GPR176: variants seen among roughly 807,000 people sequenced by gnomAD.
GPR176 encodes the protein G-protein coupled receptor 176.
Under a neutral mutation model 35.4 loss-of-function variants are expected in GPR176, and 26 were observed. The ratio of observed to expected loss-of-function variants is 0.74; its 90% confidence interval spans 0.54 to 1.02. The LOEUF (loss-of-function observed/expected upper bound fraction) is 1.02. GPR176 is among the 50% of genes least tolerant of loss of function. The pLI is 0.00. For missense variants in GPR176, 597 were observed against 665.3 expected (o/e 0.90, Z 1.13); for synonymous variants, 278 against 271.3 (o/e 1.02, Z -0.24).
intron 1 of GPR176, among the ~76,000 whole-genome samples, chr15:39,819,956 TATC>T (rs1483895242): frequency 6.6e-6 from 1 of 152,140 alleles, no homozygotes; most frequent in Non-Finnish European, 1.5e-5. Context: ...AAGCTGAAAA[TATC>T]ATTCATTTTT....
intron 1 of GPR176, among the ~76,000 whole-genome samples, chr15:39,885,251 A>T (rs1486368318): frequency 6.6e-6 from 1 of 152,220 alleles, no homozygotes; most frequent in African/African-American, 2.4e-5. Context: ...CCTCTGAGGG[A>T]ATCAAGCTAA....
chr15:39,881,121 G>T (rs948219806), intron 1 of GPR176, among the ~76,000 whole-genome samples: 1 of 151,922 alleles, frequency 6.6e-6, no homozygotes, highest in African/African-American at 2.4e-5. Context: ...CCACCACCCT[G>T]TCTATGATCT....
Position 39,888,052 on chromosome 15 carries a change from CCA to C in GPR176, c.172+31801_172+31802del, listed in dbSNP as rs1380437666. Among the ~76,000 whole-genome samples, 4 of 152,240 alleles carry C rather than the reference CCA, an allele frequency of 2.6e-5. No homozygotes were observed. In the East Asian group the frequency reaches 7.7e-4, roughly 29 times the overall value. ...TTTCCCATGTATTTTATTTGTCTTC[CCA>C]CAGTTTGCCACGCCTAGAGACTCAA... On this transcript the variant is annotated intron_variant, in intron 1 of 2. Transcript: ENST00000561100.
At chr15:39,817,245 TC>T (rs1416001776) in intron 1 of GPR176, among the ~76,000 whole-genome samples, 1 of 152,186 alleles carries the variant, frequency 6.6e-6, no homozygotes, top group Admixed American at 6.5e-5. Context: ...GTGAAAGCAT[TC>T]CTGAATATCT....
intron 1 of GPR176, among the ~76,000 whole-genome samples, chr15:39,827,869 G>T (rs887345568): frequency 2.0e-5 from 3 of 152,164 alleles, no homozygotes; most frequent in African/African-American, 4.8e-5. Flanking sequence ...TTTGTTGAAG[G>T]GTTGTTGACA....
At chr15:39,918,044 TAAAAAAA>T (rs11410825) in intron 1 of GPR176, among the ~76,000 whole-genome samples, 2 of 111,458 alleles carry the variant, frequency 1.8e-5, no homozygotes, top group Non-Finnish European at 3.5e-5. Context: ...AAACTCTGTC[TAAAAAAA>T]AAAAAAAAAA....
chr15:39,829,017 G>A, intron 1 of GPR176: 3 of 709,172 alleles, frequency 4.2e-6, no homozygotes, highest in Non-Finnish European at 5.1e-6. Context: ...AGAACTCAAT[G>A]AGTTAGGTAC....
intron 1 of GPR176, among the ~76,000 whole-genome samples, chr15:39,834,574 T>C (rs1901279760): frequency 6.6e-6 from 1 of 152,116 alleles, no homozygotes; most frequent in African/African-American, 2.4e-5. Context: ...GTGATACATA[T>C]ACACAATGGA....
intron 1 of GPR176, among the ~76,000 whole-genome samples, chr15:39,897,441 C>T (rs1057383296): frequency 1.3e-5 from 2 of 152,210 alleles, no homozygotes; most frequent in African/African-American, 2.4e-5. Flanking sequence ...CTCTCAAACA[C>T]ACACATTAAG....
intron 1 of GPR176, among the ~76,000 whole-genome samples, chr15:39,859,491 G>A (rs201942790): frequency 9.0e-5 from 13 of 143,730 alleles, no homozygotes; most frequent in Admixed American, 6.9e-5. Context: ...TGGCCACTGT[G>A]AAAAAAAAAA....
chr15:39,845,013 T>C (rs2030317261), intron 1 of GPR176, among the ~76,000 whole-genome samples: 1 of 152,126 alleles, frequency 6.6e-6, no homozygotes, highest in Admixed American at 6.6e-5. Flanking sequence ...AGCATAGGTG[T>C]TACCGGCACC....
chr15:39,805,324 C>T (rs979638494), intron 2 of GPR176, among the ~76,000 whole-genome samples: 2 of 152,022 alleles, frequency 1.3e-5, no homozygotes, highest in Admixed American at 1.3e-4. Context: ...CATGCAACGT[C>T]ACCATAAAGC....
intron 1 of GPR176, among the ~76,000 whole-genome samples, chr15:39,902,616 A>C (rs2033311692): frequency 6.6e-6 from 1 of 152,166 alleles, no homozygotes; most frequent in Non-Finnish European, 1.5e-5. Context: ...GGGTCTGAAA[A>C]CTGAGATTTG....
chr15:39,902,579 AG>A (rs2140871982), intron 1 of GPR176, among the ~76,000 whole-genome samples: 1 of 152,294 alleles, frequency 6.6e-6, no homozygotes, highest in South Asian at 2.1e-4. Context: ...CAAATACAAA[AG>A]GTGCTATTCT....
intron 1 of GPR176, among the ~76,000 whole-genome samples, chr15:39,918,039 C>T (rs1016843176): frequency 2.4e-5 from 2 of 82,686 alleles, no homozygotes; most frequent in African/African-American, 1.1e-4. Context: ...GAGTGAAACT[C>T]TGTCTAAAAA....
intron 1 of GPR176, 165 bp from the exon 2 acceptor site, chr15:39,807,423 G>A (rs1452262506): frequency 2.7e-6 from 2 of 728,518 alleles, no homozygotes; most frequent in African/African-American, 3.6e-5. Flanking sequence ...ATACATTACA[G>A]TCAATTTATG....
At chr15:39,807,765 A>C in intron 1 of GPR176, 1 of 517,336 alleles carries the variant, frequency 1.9e-6, no homozygotes, top group Non-Finnish European at 3.4e-6. Flanking sequence ...TTCAACATGT[A>C]ATGATTACTT....
intron 1 of GPR176, among the ~76,000 whole-genome samples, chr15:39,860,163 G>A (rs2031500642): frequency 6.6e-6 from 1 of 152,234 alleles, no homozygotes; most frequent in Non-Finnish European, 1.5e-5. Context: ...TAACAATGGT[G>A]TGAATACATG....
intron 1 of GPR176, among the ~76,000 whole-genome samples, chr15:39,817,894 A>G (rs2140804885): frequency 6.6e-6 from 1 of 152,354 alleles, no homozygotes; most frequent in East Asian, 1.9e-4. Flanking sequence ...ATAGTTCTAA[A>G]AAGTTCTAAA....
Sources: gnomAD v4.1 joint callset for allele counts (sites outside exome capture counted in the v4.1 genomes callset) on GRCh38, gnomAD v4.1.1 for gene constraint, MANE v1.5 for transcripts, NCBI Gene and HGNC (gene_info 2026-07-23, HGNC 2026-07-21) for gene names.